Variants in DOCK2 observed in about 807,000 individuals in gnomAD.
The protein encoded by DOCK2 is dedicator of cytokinesis 2, also known as dedicator of cytokinesis protein 2.
DOCK2 carries 87 observed loss-of-function variants against 248.9 expected under a neutral mutation model. The observed-to-expected ratio is 0.35, with a 90% confidence interval of 0.29 to 0.42. The LOEUF (loss-of-function observed/expected upper bound fraction) is 0.42. DOCK2 is among the 10% of genes least tolerant of loss of function. The pLI is 1.00. For missense variants in DOCK2, 1,747 were observed against 2,300.2 expected (o/e 0.76, Z 4.92); for synonymous variants, 805 against 821.6 (o/e 0.98, Z 0.35).
chr5:169,874,154 T>A (rs1471308417), intron 27 of DOCK2, among the ~76,000 whole-genome samples: 1 of 152,176 alleles, frequency 6.6e-6, no homozygotes, highest in Non-Finnish European at 1.5e-5. Flanking sequence ...GGCTCATGCC[T>A]GTAATCCCAA....
At chr5:169,837,264 C>T (rs1769642103) in intron 26 of DOCK2, among the ~76,000 whole-genome samples, 1 of 152,194 alleles carries the variant, frequency 6.6e-6, no homozygotes, top group Non-Finnish European at 1.5e-5. Context: ...ATTTCAATTA[C>T]AAGCTACCGT....
chr5:169,852,030 G>A (rs1253603084), intron 27 of DOCK2, among the ~76,000 whole-genome samples: 1 of 152,182 alleles, frequency 6.6e-6, no homozygotes, highest in Non-Finnish European at 1.5e-5. Context: ...TGGTGCCAAA[G>A]CTGGGGCCTT....
intron 43 of DOCK2, chr5:170,057,335 T>A: frequency 1.8e-6 from 1 of 547,668 alleles, no homozygotes; most frequent in Non-Finnish European, 3.3e-6. Flanking sequence ...AAATTCAGAC[T>A]GCTAATAAAC....
At chr5:170,057,528 A>T in intron 43 of DOCK2, 52 bp from the exon 44 acceptor site, 2 of 1,552,494 alleles carry the variant, frequency 1.3e-6, no homozygotes, top group East Asian at 2.2e-5. Flanking sequence ...CCCAGGTTTC[A>T]TAAATGTGTT....
chr5:169,817,528 T>C (rs1400047654), intron 26 of DOCK2, among the ~76,000 whole-genome samples: 1 of 152,236 alleles, frequency 6.6e-6, no homozygotes, highest in East Asian at 1.9e-4. Context: ...CATCTAGTCC[T>C]TCCTAAGCCT....
chr5:169,879,684 G>A (rs1380138545), intron 27 of DOCK2, among the ~76,000 whole-genome samples: 3 of 152,188 alleles, frequency 2.0e-5, no homozygotes, highest in Non-Finnish European at 4.4e-5. Context: ...GAAGGTCATA[G>A]TTTAGCCAAA....
chr5:169,997,443 A>G (rs1191194675), intron 30 of DOCK2, among the ~76,000 whole-genome samples: 2 of 145,296 alleles, frequency 1.4e-5, no homozygotes, highest in African/African-American at 2.6e-5. Flanking sequence ...GGGCTGGGGG[A>G]CGGTCAGGTC....
chr5:169,692,726 T>C (rs897369762), intron 9 of DOCK2, among the ~76,000 whole-genome samples: 1 of 152,214 alleles, frequency 6.6e-6, no homozygotes, highest in Non-Finnish European at 1.5e-5. Flanking sequence ...AGAAATGTAT[T>C]TTCTCACAAT....
intron 1 of DOCK2, among the ~76,000 whole-genome samples, chr5:169,645,985 A>G (rs1757435020): frequency 6.6e-6 from 1 of 152,072 alleles, no homozygotes; most frequent in Non-Finnish European, 1.5e-5. Context: ...TCCTGACCTC[A>G]TGATCCGCCC....
rs1221204035 is a variant in DOCK2 at position 169,911,315 on chromosome 5, G to A, written c.2799+70463G>A. Among the ~76,000 whole-genome samples, 5 of 152,046 alleles carry A rather than the reference G, an allele frequency of 3.3e-5. No individual in the cohort carries two copies. In the East Asian group the frequency reaches 5.8e-4, roughly 18 times the overall value. On this transcript the variant is annotated intron_variant, in intron 27 of 51. Coordinates refer to ENST00000520908, the MANE Select transcript of DOCK2 (RefSeq NM_004946.3). ...GCTGCATTCCACACACATACCAATC[G>A]TGTATGAATTTCTGTTTATTAGAGA...
At chr5:169,888,618 A>G (rs1001265948) in intron 27 of DOCK2, among the ~76,000 whole-genome samples, 3 of 152,204 alleles carry the variant, frequency 2.0e-5, no homozygotes, top group African/African-American at 7.2e-5. Context: ...TCTTTAGGCC[A>G]TACAGTGAGG....
intron 27 of DOCK2, among the ~76,000 whole-genome samples, chr5:169,886,835 T>A (rs1354725347): frequency 6.6e-6 from 1 of 152,212 alleles, no homozygotes; most frequent in South Asian, 2.1e-4. Flanking sequence ...CTGGGAACGA[T>A]AACTCACACA....
chr5:169,704,678 A>G (rs1329657490), intron 14 of DOCK2, among the ~76,000 whole-genome samples: 1 of 152,132 alleles, frequency 6.6e-6, no homozygotes, highest in Non-Finnish European at 1.5e-5. Context: ...TAAATGCTTG[A>G]GGACATGGAT....
At chr5:169,925,578 TTAAAAA>T (rs1775400668) in intron 27 of DOCK2, among the ~76,000 whole-genome samples, 2 of 32,324 alleles carry the variant, frequency 6.2e-5, no homozygotes, top group African/African-American at 1.3e-4. Flanking sequence ...AGACTCTGTC[TTAAAAA>T]AAAAAAAAAA....
intron 4 of DOCK2, 51 bp from the exon 5 acceptor site, chr5:169,671,027 G>T (rs1031871793): frequency 1.9e-6 from 3 of 1,545,260 alleles, no homozygotes; most frequent in Non-Finnish European, 2.7e-6. Flanking sequence ...GTTTTATCTT[G>T]TTAGCACCTG....
In DOCK2 at chr5:170,045,522, G is replaced by C. The variant is rs1190459735; in HGVS notation, c.3877-294G>C. On this transcript the variant is annotated intron_variant, in intron 38 of 51. Transcript: ENST00000520908. Reference sequence around the variant, plus strand: ...AACCTCTGTTTCTGACCCGGACAATGAAGATGCTGTCAGTTACCTCTCAGA... The same window carrying C: ...AACCTCTGTTTCTGACCCGGACAATCAAGATGCTGTCAGTTACCTCTCAGA... Among the ~76,000 whole-genome samples the C allele has an allele frequency of 3.9e-5, 6 of 152,304 alleles. 1 individual carries two copies. In the East Asian group the frequency reaches 1.2e-3, roughly 29 times the overall value.
At chr5:169,751,871 G>A (rs1448295464) in intron 23 of DOCK2, among the ~76,000 whole-genome samples, 1 of 152,136 alleles carries the variant, frequency 6.6e-6, no homozygotes, top group Non-Finnish European at 1.5e-5. Flanking sequence ...GATCTTCAAG[G>A]AACCACTATC....
chr5:169,952,290 C>T (rs1776694082), intron 27 of DOCK2, among the ~76,000 whole-genome samples: 1 of 152,128 alleles, frequency 6.6e-6, no homozygotes, highest in Non-Finnish European at 1.5e-5. Flanking sequence ...TTATTGAGAA[C>T]TTGTTGTGTA....
intron 27 of DOCK2, among the ~76,000 whole-genome samples, chr5:169,897,603 G>T: frequency 6.6e-6 from 1 of 152,190 alleles, no homozygotes; most frequent in East Asian, 1.9e-4. Flanking sequence ...TATTTCCAGA[G>T]ACAGAACCAC....
Sources: allele counts gnomAD v4.1 joint callset (sites outside exome capture counted in the v4.1 genomes callset), GRCh38; gene constraint gnomAD v4.1.1; transcripts MANE v1.5; gene names NCBI Gene and HGNC (gene_info 2026-07-23, HGNC 2026-07-21).